The following CCDC85A variants were observed in gnomAD, a reference collection of about 807,000 sequenced individuals.
CCDC85A encodes the protein coiled-coil domain-containing protein 85A.
A neutral mutation model predicts 50.2 loss-of-function variants in CCDC85A; 38 were observed. The ratio of observed to expected loss-of-function variants is 0.76; its 90% CI spans 0.58 to 0.99. The LOEUF (loss-of-function observed/expected upper bound fraction) is 0.99. Ranked by LOEUF, CCDC85A falls within the 50% of genes least tolerant of loss-of-function variation. The pLI is 0.00. For synonymous variants in CCDC85A, 366 were observed against 301.4 expected (o/e 1.21, Z -2.22); for missense variants, 820 against 742.0 (o/e 1.11, Z -1.22).
At chr2:56,379,618 A>G (rs932548046) in intron 5 of CCDC85A, 12 of 154,432 alleles carry the variant, frequency 7.8e-5, no homozygotes, top group African/African-American at 2.9e-4. Context: ...ATGTTTCCAT[A>G]TGCTAATCCA....
intron 2 of CCDC85A, among the ~76,000 whole-genome samples, chr2:56,217,266 C>T (rs778063338): frequency 1.3e-4 from 20 of 151,916 alleles, no homozygotes; most frequent in Non-Finnish European, 1.9e-4. Context: ...TACACCTCTT[C>T]GTCTCCCTAA....
At chr2:56,285,946 T>G (rs1671424169) in intron 2 of CCDC85A, among the ~76,000 whole-genome samples, 1 of 152,150 alleles carries the variant, frequency 6.6e-6, no homozygotes, top group Admixed American at 6.6e-5. Flanking sequence ...GCAAATGGTT[T>G]TTTTCAACCT....
At chr2:56,331,160 A>C (rs557223591) in intron 2 of CCDC85A, among the ~76,000 whole-genome samples, 13 of 152,308 alleles carry the variant, frequency 8.5e-5, no homozygotes, top group African/African-American at 2.6e-4. Context: ...CCCACTTAGA[A>C]GTGGGAGCTA....
At chr2:56,212,362 G>A (rs1677212757) in intron 2 of CCDC85A, among the ~76,000 whole-genome samples, 1 of 151,942 alleles carries the variant, frequency 6.6e-6, no homozygotes, top group African/African-American at 2.4e-5. Flanking sequence ...AGGGCTCTTG[G>A]TAAATGTTTA....
At chr2:56,307,181 C>A (rs1213409096) in intron 2 of CCDC85A, among the ~76,000 whole-genome samples, 1 of 152,090 alleles carries the variant, frequency 6.6e-6, no homozygotes, top group Non-Finnish European at 1.5e-5. Context: ...AAACTGCTTT[C>A]AAACTCATTT....
chr2:56,226,122 T>G (rs774113716), intron 2 of CCDC85A, among the ~76,000 whole-genome samples: 3 of 152,174 alleles, frequency 2.0e-5, no homozygotes, highest in Non-Finnish European at 4.4e-5. Context: ...AGGGCATGTG[T>G]AATGAACTGT....
rs72801172 is a variant in CCDC85A at position 56,203,002 on chromosome 2, A to G, written c.1240+9562A>G. Among the ~76,000 whole-genome samples the G allele has an allele frequency of 4.9e-3, 754 of 152,332 alleles. 1 individual carries two copies. The highest frequency in any genetic ancestry group is 8.2e-3 in the Non-Finnish European group (561 of 68,024). ...AGAGTGAAAATAACAGACGAAGGCA[A>G]TTGTGAGACATCAGTTTTTGAGGGG... On this transcript the variant is annotated intron_variant, in intron 2 of 5. Transcript: ENST00000407595.
chr2:56,213,057 A>G (rs1374359186), intron 2 of CCDC85A, among the ~76,000 whole-genome samples: 2 of 152,044 alleles, frequency 1.3e-5, no homozygotes, highest in African/African-American at 2.4e-5. Context: ...TTAGAAGTGA[A>G]TAAAGCTCAT....
chr2:56,327,262 G>T (rs916637267), intron 2 of CCDC85A, among the ~76,000 whole-genome samples: 4 of 152,126 alleles, frequency 2.6e-5, no homozygotes, highest in Admixed American at 2.0e-4. Flanking sequence ...GGGTGTTAAA[G>T]AGTCTGAAAG....
At chr2:56,249,826 G>A (rs759851145) in intron 2 of CCDC85A, among the ~76,000 whole-genome samples, 1 of 152,184 alleles carries the variant, frequency 6.6e-6, no homozygotes, top group Non-Finnish European at 1.5e-5. Flanking sequence ...TGGGGCATTT[G>A]TGTCCTTCAG....
Position 56,184,878 on chromosome 2 carries a change from T to C in CCDC85A, c.254T>C (p.Leu85Pro). The change falls in exon 1 of 6, where the codon CTC (leucine) becomes CCC (proline). Residue 85 changes from leucine to proline, a missense_variant. By Grantham distance (98) the Leu-to-Pro change is moderately conservative. Transcript: ENST00000407595. Reference protein sequence around the residue: ...REVNRRLQLHLGEIRGLKDIN... With the variant: ...REVNRRLQLHPGEIRGLKDIN... ...GTGAACCGCCGCCTGCAGCTGCACC[T>C]CGGCGAGATCCGCGGCCTCAAGGTG... 1 of 1,525,530 alleles carries C rather than the reference T, an allele frequency of 6.6e-7. No individual in the cohort carries two copies. Among genetic ancestry groups the C allele is most frequent in the Non-Finnish European group, 8.8e-7 (1 of 1,139,638 alleles). 94.5% of individuals were successfully genotyped at this position (1,525,530 alleles called of 1,614,324 possible).
chr2:56,207,785 T>A (rs550791970), intron 2 of CCDC85A, among the ~76,000 whole-genome samples: 2 of 152,278 alleles, frequency 1.3e-5, no homozygotes, highest in East Asian at 3.9e-4. Context: ...AACCAAGCTT[T>A]TGCTGTTTTC....
chr2:56,277,965 G>C (rs1280825662), intron 2 of CCDC85A, among the ~76,000 whole-genome samples: 3 of 152,218 alleles, frequency 2.0e-5, no homozygotes, highest in Non-Finnish European at 4.4e-5. Context: ...ACAGGTTCCA[G>C]ACAGCTTGGC....
intron 2 of CCDC85A, among the ~76,000 whole-genome samples, chr2:56,194,855 G>A (rs1444793462): frequency 6.6e-6 from 1 of 152,032 alleles, no homozygotes; most frequent in African/African-American, 2.4e-5. Context: ...CCGTGGAGAT[G>A]CTGCCCCCAC....
At chr2:56,277,261 C>A (rs1411084957) in intron 2 of CCDC85A, among the ~76,000 whole-genome samples, 2 of 152,122 alleles carry the variant, frequency 1.3e-5, no homozygotes, top group Non-Finnish European at 2.9e-5. Context: ...ATTTAAGAAT[C>A]ATCTTTCATG....
intron 2 of CCDC85A, among the ~76,000 whole-genome samples, chr2:56,260,614 A>G (rs550039403): frequency 6.6e-6 from 1 of 152,324 alleles, no homozygotes; most frequent in Admixed American, 6.5e-5. Context: ...ATTAGTAGTC[A>G]CATTACATTC....
At chr2:56,318,394 C>T (rs116142751) in intron 2 of CCDC85A, among the ~76,000 whole-genome samples, 506 of 152,140 alleles carry the variant, frequency 3.3e-3, no homozygotes, top group Non-Finnish European at 5.6e-3. Flanking sequence ...CCTCTAACCA[C>T]GACTGGCTTT....
intron 2 of CCDC85A, among the ~76,000 whole-genome samples, chr2:56,250,812 G>A (rs1241782042): frequency 1.3e-5 from 2 of 152,142 alleles, no homozygotes; most frequent in African/African-American, 4.8e-5. Context: ...TTGAACTAGA[G>A]CAAATTGGGG....
chr2:56,383,550 G>T (rs573005262), intron 5 of CCDC85A: 2 of 979,468 alleles, frequency 2.0e-6, no homozygotes, highest in Non-Finnish European at 2.4e-6. Flanking sequence ...TATTGTAATT[G>T]TATCTCTTTC....
Sources: allele counts gnomAD v4.1 joint callset (sites outside exome capture counted in the v4.1 genomes callset), GRCh38; gene constraint gnomAD v4.1.1; transcripts MANE v1.5; gene names NCBI Gene and HGNC (gene_info 2026-07-23, HGNC 2026-07-21).